Variants in ACER2 observed in about 807,000 individuals in gnomAD.
The protein encoded by ACER2 is alkCDase 2.
Under a neutral mutation model 34.7 loss-of-function variants are expected in ACER2, and 26 were observed. The ratio of observed to expected loss-of-function variants is 0.75; its 90% CI spans 0.55 to 1.04. ACER2 has a LOEUF of 1.04. Ranked by LOEUF, ACER2 falls within the 50% of genes least tolerant of loss-of-function variation. ACER2 has a pLI of 0.00. For missense variants in ACER2, 352 were observed against 340.8 expected (o/e 1.03, Z -0.26); for synonymous variants, 138 against 132.1 (o/e 1.04, Z -0.31).
chr9:19,409,911 T>A, intron 1 of ACER2: 1 of 985,352 alleles, frequency 1.0e-6, no homozygotes, highest in Non-Finnish European at 1.2e-6. Context: ...TAGATAAGGG[T>A]GAGCAGAAAC....
At chr9:19,428,723 G>A (rs10125228) in intron 3 of ACER2, among the ~76,000 whole-genome samples, 21,920 of 145,778 alleles carry the variant, frequency 0.15, 1,748 homozygotes, top group South Asian at 0.28. Flanking sequence ...CTCACACAGA[G>A]TAAAGACTCA....
intron 1 of ACER2, among the ~76,000 whole-genome samples, chr9:19,416,869 C>G (rs370627166): frequency 1.3e-5 from 2 of 152,088 alleles, no homozygotes; most frequent in African/African-American, 4.8e-5. Context: ...TTAAAATAAT[C>G]CTTTTTTAAA....
At position 19,437,362 on chromosome 9, in the gene ACER2, A is replaced by G. The variant is rs142754639; in HGVS notation, c.503+2278A>G. On this transcript the variant is annotated intron_variant, in intron 4 of 5. Coordinates refer to ENST00000340967, the MANE Select transcript of ACER2 (RefSeq NM_001010887.3). ...ACTCCATTACACTTGAAATCCTACAATCATTGGGTCCCTCATCTCCTGCCA... is the reference window on the plus strand; with the variant it reads ...ACTCCATTACACTTGAAATCCTACAGTCATTGGGTCCCTCATCTCCTGCCA... Among the ~76,000 whole-genome samples the G allele has an allele frequency of 3.3e-5, 5 of 152,246 alleles. No individual in the cohort carries two copies. In the East Asian group the frequency reaches 9.7e-4, roughly 29 times the overall value.
intron 1 of ACER2, chr9:19,409,808 C>T (rs1312758980): frequency 3.0e-6 from 3 of 985,300 alleles, no homozygotes; most frequent in Non-Finnish European, 3.6e-6. Flanking sequence ...ATTCAACTCC[C>T]CCAGGACTGT....
chr9:19,427,916 T>A (rs933014330), intron 3 of ACER2, among the ~76,000 whole-genome samples: 2 of 152,142 alleles, frequency 1.3e-5, no homozygotes, highest in African/African-American at 2.4e-5. Context: ...TCTGCCCACA[T>A]TGGCCTCCCA....
rs1481858784 is a variant in ACER2, at chr9:19,452,113, GT to G, written c.*1478del. On this transcript the variant is annotated 3_prime_UTR_variant, in exon 6 of 6. Coordinates refer to ENST00000340967, the MANE Select transcript of ACER2 (RefSeq NM_001010887.3). The stretch of plus-strand genomic sequence containing the variant: ...GAAAGATTCAAGAACCATCTTCAAG[GT>G]GCATGGTGGGAATTATCAACCTCAG... The G allele has an allele frequency of 1.3e-5, 2 of 152,590 alleles. No homozygotes were observed. Among genetic ancestry groups the G allele is most frequent in the Non-Finnish European group, 2.9e-5 (2 of 68,020 alleles). The allele number at this position is 152,590 out of a possible 1,614,324, so 9.5% of individuals were successfully genotyped here.
At chr9:19,433,225 G>GAC (rs1342100936) in intron 3 of ACER2, among the ~76,000 whole-genome samples, 1 of 139,666 alleles carries the variant, frequency 7.2e-6, no homozygotes, top group East Asian at 2.2e-4. Context: ...AGGGTCATAG[G>GAC]ACAATAGTGG....
Position 19,423,747 on chromosome 9 carries a change from G to A in ACER2, c.109-115G>A, listed in dbSNP as rs540209135. ...AAAGAAAAAGTGCAAGAGCTTAAAC[G>A]AGATGTGTGACCACATTTATCCCAG... On this transcript the variant is annotated intron_variant, in intron 1 of 5. Coordinates refer to ENST00000340967, the MANE Select transcript of ACER2 (RefSeq NM_001010887.3). 1,571 of 770,100 alleles carry A rather than the reference G, an allele frequency of 2.0e-3. 27 individuals are homozygous for A. In the South Asian group the frequency reaches 0.022, roughly 11 times the overall value. The allele number at this position is 770,100 out of a possible 1,614,324, so 47.7% of individuals were successfully genotyped here. A position where few individuals can be genotyped will look rare whatever the true frequency, so the allele number is the denominator to read the frequency against.
At chr9:19,426,529 T>G (rs1049637541) in intron 3 of ACER2, among the ~76,000 whole-genome samples, 3 of 152,096 alleles carry the variant, frequency 2.0e-5, no homozygotes, top group Admixed American at 6.6e-5. Context: ...TTCTCAGATA[T>G]CTTATTTTTC....
intron 4 of ACER2, among the ~76,000 whole-genome samples, chr9:19,436,151 A>T (rs1175630864): frequency 6.6e-6 from 1 of 151,758 alleles, no homozygotes; most frequent in Non-Finnish European, 1.5e-5. Context: ...TCCTGGCCTC[A>T]AGCAGTCCTC....
intron 1 of ACER2, among the ~76,000 whole-genome samples, chr9:19,417,487 C>G (rs1295859613): frequency 6.6e-6 from 1 of 152,134 alleles, no homozygotes; most frequent in Admixed American, 6.5e-5. Flanking sequence ...CTATGGTAAC[C>G]AAAACAGCAT....
At chr9:19,434,789 G>C (rs937311471) in intron 3 of ACER2, among the ~76,000 whole-genome samples, 158 bp from the exon 4 acceptor site, 2 of 151,924 alleles carry the variant, frequency 1.3e-5, no homozygotes, top group Non-Finnish European at 2.9e-5. Context: ...ACGAAGTCTC[G>C]CTCTGTCGCC....
In ACER2 at chr9:19,440,675, G is replaced by C. The variant is rs369231623; in HGVS notation, c.503+5591G>C. On this transcript the variant is annotated intron_variant, in intron 4 of 5. Transcript: ENST00000340967. ...ATACAATGTTTTGTTATAACAGCCTGCATGGATTAAGACACTGTTTTTCTC... is the reference window on the plus strand; with the variant it reads ...ATACAATGTTTTGTTATAACAGCCTCCATGGATTAAGACACTGTTTTTCTC... 3.3e-5 allele frequency among the ~76,000 whole-genome samples: 5 copies of C among 152,176 alleles called. No homozygotes were observed. The East Asian group carries it at 7.7e-4, about 23-fold the overall frequency.
At chr9:19,417,843 C>T (rs183694440) in intron 1 of ACER2, among the ~76,000 whole-genome samples, 9 of 152,178 alleles carry the variant, frequency 5.9e-5, no homozygotes, top group African/African-American at 2.2e-4. Context: ...GGAACAAAAG[C>T]CAAAATTGAC....
Position 19,418,407 on chromosome 9 carries a change from T to C in ACER2, c.109-5455T>C, listed in dbSNP as rs1475847530. ...AAAGACACATGCACAAGTATGTTTA[T>C]TGCAGCACTGTTCACAATAGCAAAG... is the stretch of plus-strand genomic sequence containing the variant. On this transcript the variant is annotated intron_variant, in intron 1 of 5. Coordinates refer to ENST00000340967, the MANE Select transcript of ACER2 (RefSeq NM_001010887.3). Among the ~76,000 whole-genome samples, 5 of 152,316 alleles carry C rather than the reference T, an allele frequency of 3.3e-5. No homozygotes were observed. In the East Asian group the frequency reaches 7.7e-4, roughly 23 times the overall value.
At chr9:19,417,434 A>G (rs1654960938) in intron 1 of ACER2, among the ~76,000 whole-genome samples, 1 of 152,260 alleles carries the variant, frequency 6.6e-6, no homozygotes, top group African/African-American at 2.4e-5. Context: ...AGCCAAAAGA[A>G]CAAAGCTGGA....
intron 1 of ACER2, among the ~76,000 whole-genome samples, chr9:19,417,520 T>A (rs1339627070): frequency 6.6e-6 from 1 of 152,124 alleles, no homozygotes; most frequent in East Asian, 1.9e-4. Context: ...AAAATAGATA[T>A]ATAGACCAAT....
intron 1 of ACER2, among the ~76,000 whole-genome samples, chr9:19,413,283 G>T (rs960768931): frequency 2.6e-5 from 4 of 152,108 alleles, no homozygotes; most frequent in Non-Finnish European, 4.4e-5. Context: ...TATTAATTGA[G>T]TTCCTTTTTA....
intron 3 of ACER2, among the ~76,000 whole-genome samples, chr9:19,432,901 A>T (rs536977244): frequency 7.7e-4 from 116 of 151,400 alleles, no homozygotes; most frequent in African/African-American, 2.7e-3. Context: ...GCCCAAACCC[A>T]AAAACCCTTC....
Sources: gnomAD v4.1 joint callset for allele counts (sites outside exome capture counted in the v4.1 genomes callset) on GRCh38, gnomAD v4.1.1 for gene constraint, MANE v1.5 for transcripts, NCBI Gene and HGNC (gene_info 2026-07-23, HGNC 2026-07-21) for gene names.